OR3A1: variants seen among roughly 807,000 people sequenced by gnomAD.
The protein encoded by OR3A1 is olfactory receptor 3A1.
For missense variants in OR3A1, 402 were observed against 393.8 expected, an observed-to-expected ratio of 1.02 and a Z score of -0.18; for synonymous variants, 145 against 160.0, an observed-to-expected ratio of 0.91 and a Z score of 0.71.
intron 1 of OR3A1, among the ~76,000 whole-genome samples, chr17:3,295,542 A>G (rs1385534230): frequency 6.6e-6 from 1 of 152,146 alleles, no homozygotes; most frequent in East Asian, 1.9e-4. Context: ...CTATTTCAAA[A>G]CAATAAAAGC....
intron 1 of OR3A1, among the ~76,000 whole-genome samples, chr17:3,294,643 C>A (rs1447946575): frequency 1.3e-5 from 2 of 152,024 alleles, no homozygotes; most frequent in Non-Finnish European, 2.9e-5. Flanking sequence ...TGGAGTATCA[C>A]TGAATATCAA....
At chr17:3,292,720 C>T (rs561509622) in intron 1 of OR3A1, 132 bp from the exon 2 acceptor site, 38 of 699,302 alleles carry the variant, frequency 5.4e-5, no homozygotes, top group Admixed American at 4.7e-4. Context: ...AGGAATTTTG[C>T]GCTCCTTAGG....
At chr17:3,298,152 T>C (rs1481730231) in intron 1 of OR3A1, 131 bp downstream of exon 1, 1 of 152,122 alleles carries the variant, frequency 6.6e-6, no homozygotes, top group Admixed American at 6.6e-5. Context: ...TAAATAAGAA[T>C]AGGCTAGAAG....
intron 1 of OR3A1, 112 bp from the exon 2 acceptor site, chr17:3,292,700 T>C (rs1249977215): frequency 4.7e-6 from 4 of 859,590 alleles, no homozygotes; most frequent in African/African-American, 1.7e-5. Flanking sequence ...ACGTTCCCTC[T>C]GTACAAGTAA....
rs928447250 is a variant in OR3A1, at chr17:3,291,826, T to C, written c.757A>G (p.Ile253Val). ...TTAAAGATACCTGAACCATAGAATATGGCAACCACAGTGAGGTGGGAGCCA... is the reference window on the plus strand; with the variant it reads ...TTAAAGATACCTGAACCATAGAATACGGCAACCACAGTGAGGTGGGAGCCA... ...TCGSHLTVVA[I>V]FYGSGIFNYM... Residue 253 changes from isoleucine (I) to valine (V), a missense_variant, in exon 2 of 2, where the codon ATA (isoleucine) becomes GTA (valine). By Grantham distance (29) the Ile-to-Val change is conservative (BLOSUM62 3). Coordinates refer to ENST00000323404, the MANE Select transcript of OR3A1 (RefSeq NM_002550.3). 6.2e-7 allele frequency: 1 copy of C among 1,613,848 alleles called. No individual in the cohort carries two copies. The highest frequency in any genetic ancestry group is 1.3e-5 in the African/African-American group (1 of 75,056).
intron 1 of OR3A1, among the ~76,000 whole-genome samples, chr17:3,294,864 A>T (rs1475121313): frequency 6.6e-6 from 1 of 152,208 alleles, no homozygotes; most frequent in African/African-American, 2.4e-5. Context: ...TATAATATTC[A>T]TATATAAAGT....
Position 3,295,558 on chromosome 17 carries a change from G to A in OR3A1, c.-7+2725C>T, listed in dbSNP as rs117540659. 8.5e-5 allele frequency among the ~76,000 whole-genome samples: 13 copies of A among 152,132 alleles called. No homozygotes were observed. The East Asian group carries it at 2.3e-3, about 27-fold the overall frequency. On this transcript the variant is annotated intron_variant, in intron 1 of 1. Coordinates refer to ENST00000323404, the MANE Select transcript of OR3A1 (RefSeq NM_002550.3). ...TATTTCAAAACAATAAAAGCAAACA[G>A]TATAACATAACAGAACAAAATTAGT...
intron 1 of OR3A1, among the ~76,000 whole-genome samples, chr17:3,296,520 G>T (rs1195787441): frequency 2.0e-5 from 3 of 151,188 alleles, no homozygotes; most frequent in Admixed American, 6.6e-5. Flanking sequence ...TAGGAAAAGG[G>T]GTACATAAAC....
chr17:3,294,008 G>A (rs891700480), intron 1 of OR3A1, among the ~76,000 whole-genome samples: 1 of 152,064 alleles, frequency 6.6e-6, no homozygotes, highest in Non-Finnish European at 1.5e-5. Context: ...TGCATGCTGG[G>A]CTTAATACCT....
Position 3,292,028 on chromosome 17 carries a change from T to C in OR3A1, c.555A>G (p.Pro185=). The C allele has an allele frequency of 6.2e-7, 1 of 1,614,080 alleles. No individual in the cohort carries two copies. Among genetic ancestry groups the C allele is most frequent in the Admixed American group, 1.7e-5 (1 of 60,020 alleles). ...TGGAGCAGGAGAGCTGGAAGAGCTG[T>C]GGGAGGTCACAGTAGAAGTGATTGA... The part of the protein sequence containing the change: ...NVINHFYCDL[P]QLFQLSCSST... Residue 185 remains proline, a synonymous_variant, in exon 2 of 2, where the codon CCA becomes CCG. Coordinates refer to ENST00000323404, the MANE Select transcript of OR3A1 (RefSeq NM_002550.3).
At chr17:3,297,379 AG>A (rs1450325186) in intron 1 of OR3A1, among the ~76,000 whole-genome samples, 1 of 152,176 alleles carries the variant, frequency 6.6e-6, no homozygotes, top group Non-Finnish European at 1.5e-5. Context: ...TCAGGTTGTA[AG>A]GTTTTACACC....
In OR3A1 at chr17:3,292,585, G is replaced by A; in HGVS notation, c.-3C>T. On this transcript the variant is annotated 5_prime_UTR_variant, in exon 2 of 2. Coordinates refer to ENST00000323404, the MANE Select transcript of OR3A1 (RefSeq NM_002550.3). The stretch of plus-strand genomic sequence containing the variant: ...TTGGCCCCAGATTCTGGCTGCATGA[G>A]TTCCTGCAAAGAAACATCCAGGGAG... The A allele has an allele frequency of 2.5e-6, 4 of 1,593,414 alleles. No individual in the cohort carries two copies. Among genetic ancestry groups the A allele is most frequent in the Non-Finnish European group, 3.4e-6 (4 of 1,168,286 alleles).
At position 3,291,638 on chromosome 17, in the gene OR3A1, A is replaced by G; in HGVS notation, c.945T>C (p.Ala315=). The change falls in exon 2 of 2, where the codon GCT becomes GCC. Residue 315 remains alanine, a synonymous_variant. Transcript: ENST00000323404. ...GAAAGGGTCAATTGAGACCTCCTCAAGCCAGTGACCGCCTCCCTGTGAGCA... is the reference window on the plus strand; with the variant it reads ...GAAAGGGTCAATTGAGACCTCCTCAGGCCAGTGACCGCCTCCCTGTGAGCA... ...WRMLTGRRSL[A] is the part of the protein sequence containing the mutation. 6.3e-7 allele frequency: 1 copy of G among 1,595,128 alleles called. No individual in the cohort carries two copies. Among genetic ancestry groups the G allele is most frequent in the Non-Finnish European group, 8.6e-7 (1 of 1,165,810 alleles).
At position 3,295,306 on chromosome 17, in the gene OR3A1, C is replaced by T. The variant is rs2048910681; in HGVS notation, c.-6-2718G>A. On this transcript the variant is annotated intron_variant, in intron 1 of 1. Coordinates refer to ENST00000323404, the MANE Select transcript of OR3A1 (RefSeq NM_002550.3). ...AAAAGAAAGATTAATATAACATAAT[C>T]AAATAAATTACATGGTATAGGAGAG... 2.0e-5 allele frequency among the ~76,000 whole-genome samples: 3 copies of T among 151,578 alleles called. No homozygotes were observed. In the South Asian group the frequency reaches 6.2e-4, roughly 32 times the overall value.
At chr17:3,292,736 C>A in intron 1 of OR3A1, 148 bp from the exon 2 acceptor site, 1 of 625,122 alleles carries the variant, frequency 1.6e-6, no homozygotes, top group South Asian at 2.1e-5. Flanking sequence ...TTAGGCCACA[C>A]TACACTTGTT....
rs2048870616 is a variant in OR3A1 at position 3,291,787 on chromosome 17, C to G, written c.796G>C (p.Gly266Arg). 2 of 1,613,644 alleles carry G rather than the reference C, an allele frequency of 1.2e-6. No homozygotes were observed. The highest frequency in any genetic ancestry group is 4.5e-5 in the East Asian group (2 of 44,864). ...TCCTTGTCTGAAAGCTTGGTTGAAC[C>G]CAGTCGCATATAGTTAAAGATACCT... The part of the protein sequence containing the change: ...GSGIFNYMRL[G>R]STKLSDKDKA... The change falls in exon 2 of 2, where the codon GGT (glycine) becomes CGT (arginine). Residue 266 changes from glycine to arginine, a missense_variant. Transcript: ENST00000323404.
intron 1 of OR3A1, among the ~76,000 whole-genome samples, chr17:3,297,200 TA>T (rs2048925880): frequency 6.6e-6 from 1 of 152,210 alleles, no homozygotes; most frequent in Admixed American, 6.5e-5. Flanking sequence ...TAAAAATTCT[TA>T]AATCAACAAT....
Position 3,292,358 on chromosome 17 carries a change from C to G in OR3A1, c.225G>C (p.Gly75=). 1 of 1,614,094 alleles carries G rather than the reference C, an allele frequency of 6.2e-7. No homozygotes were observed. Among genetic ancestry groups the G allele is most frequent in the Non-Finnish European group, 8.5e-7 (1 of 1,180,002 alleles). ...FLGNLSVLDV[G]CISVTVPSML... is the part of the protein sequence containing the mutation. ...TTGATGGAACAGTGACGCTGATGCA[C>G]CCAACATCCAGCACTGATAGGTTCC... The change falls in exon 2 of 2, where the codon GGG becomes GGC. Residue 75 remains glycine (G), a synonymous_variant. Coordinates refer to ENST00000323404, the MANE Select transcript of OR3A1 (RefSeq NM_002550.3).
At chr17:3,297,305 T>C (rs9892536) in intron 1 of OR3A1, among the ~76,000 whole-genome samples, 2,141 of 152,284 alleles carry the variant, frequency 0.014, 34 homozygotes, top group African/African-American at 0.048. Flanking sequence ...AGCAGAACAA[T>C]TCCCTTACAT....
Sources: allele counts gnomAD v4.1 joint callset (sites outside exome capture counted in the v4.1 genomes callset), GRCh38; gene constraint gnomAD v4.1.1; transcripts MANE v1.5; gene names NCBI Gene and HGNC (gene_info 2026-07-23, HGNC 2026-07-21).